The following KLF17 variants were observed in gnomAD, a reference collection of about 807,000 sequenced individuals.
KLF17 encodes the protein Krueppel-like factor 17.
A neutral mutation model predicts 34.2 loss-of-function variants in KLF17; 31 were observed. That is an observed-to-expected ratio of 0.91 (90% confidence interval 0.68 to 1.22). The LOEUF (loss-of-function observed/expected upper bound fraction) is 1.22. Among genes scored for constraint, KLF17 ranks in the 50% most tolerant of loss-of-function variants. KLF17 has a pLI of 0.00. For missense variants in KLF17, 478 were observed against 505.2 expected (o/e 0.95, Z 0.52); for synonymous variants, 179 against 186.7 (o/e 0.96, Z 0.34).
At chr1:44,058,341 C>T in the KLF17 span, among the ~76,000 whole-genome samples, 6 of 152,102 alleles carry the variant, frequency 3.9e-5, no homozygotes, top group East Asian at 3.9e-4. Context: ...CCAAGCTGAT[C>T]GTGCAGTGGC....
At chr1:44,091,752 C>G in the KLF17 span, among the ~76,000 whole-genome samples, 1 of 150,792 alleles carries the variant, frequency 6.6e-6, no homozygotes, top group African/African-American at 2.4e-5. Context: ...ATAGTTTTGA[C>G]TTTGCAGCTA....
chr1:44,112,688 G>C, the KLF17 span, among the ~76,000 whole-genome samples: 1 of 152,164 alleles, frequency 6.6e-6, no homozygotes, highest in Non-Finnish European at 1.5e-5. Context: ...GATTATGGAT[G>C]TGAGTCACCG....
the KLF17 span, among the ~76,000 whole-genome samples, chr1:44,109,879 A>G: frequency 1.3e-5 from 2 of 149,834 alleles, no homozygotes; most frequent in Non-Finnish European, 2.9e-5. Context: ...ACAGCCATAT[A>G]CATATATCTT....
the KLF17 span, among the ~76,000 whole-genome samples, chr1:44,071,674 G>A: frequency 6.6e-6 from 1 of 152,094 alleles, no homozygotes; most frequent in African/African-American, 2.4e-5. Flanking sequence ...CAATTGGCAG[G>A]TCACAAATGC....
chr1:44,109,811 A>T, the KLF17 span, among the ~76,000 whole-genome samples: 4 of 151,940 alleles, frequency 2.6e-5, no homozygotes, highest in African/African-American at 9.7e-5. Flanking sequence ...ACTATCTATT[A>T]TATACAAACA....
chr1:44,096,341 G>A, the KLF17 span, among the ~76,000 whole-genome samples: 1 of 151,432 alleles, frequency 6.6e-6, no homozygotes, highest in Non-Finnish European at 1.5e-5. Flanking sequence ...TCTTTCTCTT[G>A]TCTAATTGCT....
the KLF17 span, among the ~76,000 whole-genome samples, chr1:44,111,854 T>C: frequency 6.6e-6 from 1 of 152,116 alleles, no homozygotes; most frequent in Non-Finnish European, 1.5e-5. Context: ...GATCGCGCCA[T>C]TGCACTCCAG....
chr1:44,075,351 A>G, the KLF17 span, among the ~76,000 whole-genome samples: 1 of 152,060 alleles, frequency 6.6e-6, no homozygotes, highest in South Asian at 2.1e-4. Flanking sequence ...GAGGGCACAC[A>G]TTTTTTTCAT....
the KLF17 span, among the ~76,000 whole-genome samples, chr1:44,109,897 C>CTTTT: frequency 1.1e-3 from 88 of 77,194 alleles, 1 homozygote; most frequent in African/African-American, 4.4e-3. Flanking sequence ...CTTTTTTATA[C>CTTTT]TTTTTTTTTT....
chr1:44,091,635 C>CAAAAAAAAAAAAAAAAAAAAA, the KLF17 span, among the ~76,000 whole-genome samples: 2 of 79,030 alleles, frequency 2.5e-5, no homozygotes, highest in Non-Finnish European at 4.9e-5. Context: ...GACTCCATCT[C>CAAAAAAAAAAAAAAAAAAAAA]AAAAAAAAAA....
chr1:44,103,271 A>G, the KLF17 span: 2 of 698,626 alleles, frequency 2.9e-6, no homozygotes. Context: ...GGGCAGCCGC[A>G]GGAGGGGCAG....
the KLF17 span, among the ~76,000 whole-genome samples, chr1:44,053,153 G>A: frequency 1.3e-5 from 2 of 152,044 alleles, no homozygotes; most frequent in Admixed American, 1.3e-4. Context: ...TGCCTGCCTT[G>A]GCCTCTCAAA....
the KLF17 span, among the ~76,000 whole-genome samples, chr1:44,096,642 C>T: frequency 1.4e-3 from 210 of 151,990 alleles, no homozygotes; most frequent in African/African-American, 4.6e-3. Flanking sequence ...CCTTGTGATC[C>T]GCTCATCTTG....
chr1:44,044,846 G>A, the KLF17 span: 3 of 152,232 alleles, frequency 2.0e-5, no homozygotes, highest in African/African-American at 7.2e-5. Context: ...TTCAGAGCTG[G>A]AGAAAACAAG....
chr1:44,065,253 A>C, the KLF17 span, among the ~76,000 whole-genome samples: 6 of 151,850 alleles, frequency 4.0e-5, no homozygotes, highest in Non-Finnish European at 7.4e-5. Flanking sequence ...ATGCCACTGC[A>C]TTCCAGCCTG....
At chr1:44,126,005 GT>G (rs533252968) in intron 1 of KLF17, among the ~76,000 whole-genome samples, 72 of 148,188 alleles carry the variant, frequency 4.9e-4, no homozygotes, top group African/African-American at 1.8e-3. Context: ...GGAGGACAAG[GT>G]TTTTTTTGTT....
chr1:44,092,628 C>A, the KLF17 span, among the ~76,000 whole-genome samples: 1 of 151,756 alleles, frequency 6.6e-6, no homozygotes, highest in East Asian at 1.9e-4. Flanking sequence ...ACAAATCACT[C>A]TTTAGCTTTT....
the KLF17 span, among the ~76,000 whole-genome samples, chr1:44,074,496 G>T: frequency 6.6e-6 from 1 of 152,244 alleles, no homozygotes; most frequent in African/African-American, 2.4e-5. Flanking sequence ...ATTCCAGTCT[G>T]CCCACCCAGG....
At chr1:44,099,824 AAG>A in the KLF17 span, among the ~76,000 whole-genome samples, 2 of 124,668 alleles carry the variant, frequency 1.6e-5, no homozygotes, top group Non-Finnish European at 3.3e-5. Flanking sequence ...CAGAAAGAAA[AAG>A]AAGAAAGAAA....
Sources: gnomAD v4.1 joint callset for allele counts (sites outside exome capture counted in the v4.1 genomes callset) on GRCh38, gnomAD v4.1.1 for gene constraint, MANE v1.5 for transcripts, NCBI Gene and HGNC (gene_info 2026-07-23, HGNC 2026-07-21) for gene names.